Variants in EYS observed in about 807,000 individuals in gnomAD.
EYS encodes EGF-like photoreceptor maintenance factor, also known as protein eyes shut homolog.
Under a neutral mutation model 282.1 loss-of-function variants are expected in EYS, and 250 were observed. The ratio of observed to expected loss-of-function variants is 0.89; its 90% CI spans 0.80 to 0.98. The LOEUF (loss-of-function observed/expected upper bound fraction) is 0.98, where lower values mean the gene tolerates loss of function less well. Ranked by LOEUF, EYS falls within the 50% of genes least tolerant of loss-of-function variation. The probability of loss-of-function intolerance (pLI) is 0.00; values close to 1 mark genes in which losing one functional copy is unlikely to be tolerated. For missense variants in EYS, 4,016 were observed against 3,709.0 expected (o/e 1.08, Z -2.15); for synonymous variants, 1,355 against 1,282.9 (o/e 1.06, Z -1.20).
intron 12 of EYS, among the ~76,000 whole-genome samples, chr6:65,263,588 T>G (rs1452159266): frequency 1.3e-5 from 2 of 152,056 alleles, no homozygotes; most frequent in African/African-American, 4.8e-5. Flanking sequence ...CAAAAGTAAT[T>G]TATTATTTTC....
intron 8 of EYS, among the ~76,000 whole-genome samples, chr6:65,366,569 T>C (rs139276727): frequency 5.9e-5 from 9 of 151,962 alleles, no homozygotes; most frequent in African/African-American, 1.9e-4. Flanking sequence ...AGAGCTTCTT[T>C]AATGATTTTC....
chr6:65,636,586 A>G (rs1451736992), intron 2 of EYS, among the ~76,000 whole-genome samples: 2 of 152,228 alleles, frequency 1.3e-5, no homozygotes, highest in Non-Finnish European at 2.9e-5. Flanking sequence ...GACAGCAAGA[A>G]TGAGGAAAAT....
intron 19 of EYS, among the ~76,000 whole-genome samples, chr6:64,863,334 G>C (rs972801268): frequency 5.3e-5 from 8 of 151,872 alleles, no homozygotes; most frequent in Non-Finnish European, 1.2e-4. Context: ...ATTCCCACTA[G>C]TTTCTTTACA....
In EYS at chr6:64,591,229, A is replaced by C. The variant is rs1295600101; in HGVS notation, c.4638T>G (p.Ala1546=). 45 of 1,551,320 alleles carry C rather than the reference A, an allele frequency of 2.9e-5. No homozygotes were observed. Among genetic ancestry groups the C allele is most frequent in the Non-Finnish European group, 3.8e-5 (44 of 1,146,838 alleles). Residue 1546 remains alanine, a synonymous_variant, in exon 26 of 43, where the codon GCT becomes GCG. Coordinates refer to ENST00000503581, the MANE Select transcript of EYS (RefSeq NM_001142800.2). ...QRLTNIKSQA[A]DSLRELSQTC... The stretch of plus-strand genomic sequence containing the variant: ...TTTGGCTTAATTCTCTTAAAGAATC[A>C]GCAGCCTGTGATTTGATGTTTGTGA...
At chr6:65,593,726 A>G (rs932973230) in intron 2 of EYS, among the ~76,000 whole-genome samples, 2 of 151,938 alleles carry the variant, frequency 1.3e-5, no homozygotes, top group Non-Finnish European at 2.9e-5. Flanking sequence ...CTCCCCATAT[A>G]CCTTACAAAG....
chr6:65,066,055 G>T (rs1462291451), intron 12 of EYS, among the ~76,000 whole-genome samples: 2 of 152,078 alleles, frequency 1.3e-5, no homozygotes, highest in Non-Finnish European at 2.9e-5. Context: ...AAATAAAGAG[G>T]CTAGGGACAT....
At chr6:64,340,357 T>C (rs141708004) in intron 29 of EYS, among the ~76,000 whole-genome samples, 72 of 151,874 alleles carry the variant, frequency 4.7e-4, no homozygotes, top group Admixed American at 1.6e-3. Context: ...AGCATGACAC[T>C]AGTACAAAAA....
intron 2 of EYS, among the ~76,000 whole-genome samples, chr6:65,510,940 C>A (rs1488824311): frequency 2.0e-5 from 3 of 152,108 alleles, no homozygotes; most frequent in East Asian, 1.9e-4. Context: ...CTTTTTGAGG[C>A]TGAACTTCAA....
chr6:64,671,871 AT>A (rs1769473677), intron 22 of EYS, among the ~76,000 whole-genome samples: 1 of 152,164 alleles, frequency 6.6e-6, no homozygotes, highest in Non-Finnish European at 1.5e-5. Flanking sequence ...CAAAAACAAC[AT>A]TATTATTAAG....
intron 28 of EYS, among the ~76,000 whole-genome samples, chr6:64,392,667 A>G (rs1233191558): frequency 2.0e-5 from 3 of 150,686 alleles, no homozygotes; most frequent in Admixed American, 6.6e-5. Flanking sequence ...TGCCCACAAG[A>G]GAAAGCAGGA....
chr6:64,309,395 A>G (rs1448448757), intron 29 of EYS, among the ~76,000 whole-genome samples: 1 of 152,224 alleles, frequency 6.6e-6, no homozygotes, highest in East Asian at 1.9e-4. Flanking sequence ...TGGGCTTTGA[A>G]AAATGGCAAG....
chr6:65,013,649 G>A (rs1240987235), intron 13 of EYS, among the ~76,000 whole-genome samples: 1 of 152,156 alleles, frequency 6.6e-6, no homozygotes, highest in Non-Finnish European at 1.5e-5. Flanking sequence ...GCCAAGGTGG[G>A]AGGATTGTTT....
At chr6:65,369,317 T>TATATATATATTTATATATATATATA (rs1765043746) in intron 8 of EYS, among the ~76,000 whole-genome samples, 16 of 33,322 alleles carry the variant, frequency 4.8e-4, no homozygotes, top group South Asian at 3.8e-3. Flanking sequence ...ATATATATAT[T>TATATATATATTTATATATATATATA]ATATATATAT....
At chr6:64,367,250 G>A (rs1004308890) in intron 29 of EYS, among the ~76,000 whole-genome samples, 2 of 151,982 alleles carry the variant, frequency 1.3e-5, no homozygotes, top group African/African-American at 4.8e-5. Flanking sequence ...TGGCTCATGA[G>A]AATCTCATGG....
chr6:63,827,056 A>T (rs1239405216), intron 36 of EYS, among the ~76,000 whole-genome samples: 1 of 152,206 alleles, frequency 6.6e-6, no homozygotes, highest in Non-Finnish European at 1.5e-5. Context: ...TTAAGAACTC[A>T]CATAAAGTAA....
intron 24 of EYS, among the ~76,000 whole-genome samples, chr6:64,610,235 T>G (rs1047555083): frequency 9.2e-5 from 14 of 152,030 alleles, no homozygotes; most frequent in Non-Finnish European, 2.1e-4. Flanking sequence ...TGACATTAAA[T>G]ATATTCTAGG....
chr6:64,878,615 T>C (rs532125855), intron 19 of EYS, among the ~76,000 whole-genome samples: 3 of 152,094 alleles, frequency 2.0e-5, no homozygotes, highest in South Asian at 4.2e-4. Flanking sequence ...TCTCTCTCTC[T>C]CTCCCTCCCC....
At chr6:64,914,539 T>C (rs1227143311) in intron 15 of EYS, among the ~76,000 whole-genome samples, 2 of 152,144 alleles carry the variant, frequency 1.3e-5, no homozygotes, top group Non-Finnish European at 2.9e-5. Flanking sequence ...AAGAGTCACC[T>C]AATTTGCAGT....
At chr6:63,949,256 C>T (rs1423994453) in intron 35 of EYS, among the ~76,000 whole-genome samples, 1 of 152,128 alleles carries the variant, frequency 6.6e-6, no homozygotes, top group Non-Finnish European at 1.5e-5. Context: ...ATTTTAAACT[C>T]ATTAGTCCAG....
Sources: gnomAD v4.1 joint callset for allele counts (sites outside exome capture counted in the v4.1 genomes callset) on GRCh38, gnomAD v4.1.1 for gene constraint, MANE v1.5 for transcripts, NCBI Gene and HGNC (gene_info 2026-07-23, HGNC 2026-07-21) for gene names.